Variants in ENTREP2 observed in about 807,000 individuals in gnomAD.
ENTREP2 encodes the protein endosomal transmembrane epsin interactor 2, also known as protein ENTREP2.
chr15:29,240,535 C>G, the ENTREP2 span, among the ~76,000 whole-genome samples: 1 of 152,118 alleles, frequency 6.6e-6, no homozygotes, highest in African/African-American at 2.4e-5. Context: ...CTTGCTCTTT[C>G]TTTGGCCCTC....
the ENTREP2 span, among the ~76,000 whole-genome samples, chr15:29,230,715 G>T: frequency 3.9e-5 from 6 of 152,128 alleles, no homozygotes; most frequent in Admixed American, 1.3e-4. Flanking sequence ...AAGGAGATTA[G>T]AGTGTTAAAA....
chr15:29,154,374 G>C, the ENTREP2 span, among the ~76,000 whole-genome samples: 1 of 151,922 alleles, frequency 6.6e-6, no homozygotes, highest in Non-Finnish European at 1.5e-5. Flanking sequence ...TGTGCTCTTA[G>C]AGGGTAAACT....
At chr15:29,527,651 C>T in the ENTREP2 span, among the ~76,000 whole-genome samples, 118 of 152,266 alleles carry the variant, frequency 7.7e-4, no homozygotes, top group South Asian at 4.3e-3. Flanking sequence ...AAGGCATCCA[C>T]TGCAGACCCT....
chr15:29,648,712 C>T, the ENTREP2 span, among the ~76,000 whole-genome samples: 1 of 151,958 alleles, frequency 6.6e-6, no homozygotes, highest in Non-Finnish European at 1.5e-5. Context: ...CTGAGGCAGG[C>T]AGATCACCTG....
At chr15:29,603,474 G>C in the ENTREP2 span, among the ~76,000 whole-genome samples, 1 of 152,090 alleles carries the variant, frequency 6.6e-6, no homozygotes, top group Non-Finnish European at 1.5e-5. Context: ...AAACAGAAAA[G>C]AACCTGCAAA....
chr15:29,592,535 C>T, the ENTREP2 span, among the ~76,000 whole-genome samples: 5 of 151,948 alleles, frequency 3.3e-5, no homozygotes, highest in South Asian at 2.1e-4. Context: ...AATCCATTTG[C>T]GGGGGGCGGA....
the ENTREP2 span, among the ~76,000 whole-genome samples, chr15:29,542,959 T>C: frequency 3.9e-5 from 6 of 152,244 alleles, no homozygotes; most frequent in Non-Finnish European, 7.3e-5. Flanking sequence ...CCCCATTTTA[T>C]TGATCCATTC....
chr15:29,493,914 T>C, the ENTREP2 span, among the ~76,000 whole-genome samples: 4 of 151,886 alleles, frequency 2.6e-5, 1 homozygote, highest in South Asian at 8.3e-4. Flanking sequence ...GAGGCAGAGG[T>C]TGCAGAGAGC....
At chr15:29,294,653 A>C in the ENTREP2 span, among the ~76,000 whole-genome samples, 1 of 152,226 alleles carries the variant, frequency 6.6e-6, no homozygotes, top group Non-Finnish European at 1.5e-5. Context: ...AAATCTTAGA[A>C]TCTTGGAAAT....
the ENTREP2 span, among the ~76,000 whole-genome samples, chr15:29,157,443 C>A: frequency 6.6e-6 from 1 of 152,202 alleles, no homozygotes; most frequent in South Asian, 2.1e-4. Context: ...TACACCTCAG[C>A]ATAGTTTTCC....
At chr15:29,607,741 C>G in the ENTREP2 span, among the ~76,000 whole-genome samples, 51 of 151,858 alleles carry the variant, frequency 3.4e-4, no homozygotes, top group Non-Finnish European at 5.7e-4. Flanking sequence ...ATCAAGTTTT[C>G]CTAAACTTTT....
chr15:29,636,036 A>T, the ENTREP2 span, among the ~76,000 whole-genome samples: 1 of 152,164 alleles, frequency 6.6e-6, no homozygotes, highest in Non-Finnish European at 1.5e-5. Context: ...AGAGATACAG[A>T]CACAGAAAAA....
the ENTREP2 span, among the ~76,000 whole-genome samples, chr15:29,518,439 A>C: frequency 6.6e-6 from 1 of 152,210 alleles, no homozygotes; most frequent in African/African-American, 2.4e-5. Context: ...ATTTCTAAAA[A>C]AACAAATAAA....
the ENTREP2 span, among the ~76,000 whole-genome samples, chr15:29,531,201 C>T: frequency 1.8e-4 from 27 of 152,186 alleles, no homozygotes; most frequent in African/African-American, 6.3e-4. Context: ...GTGACAGTCT[C>T]GCCTTGAGAA....
At chr15:29,626,142 C>T in the ENTREP2 span, among the ~76,000 whole-genome samples, 2 of 152,194 alleles carry the variant, frequency 1.3e-5, no homozygotes, top group Admixed American at 6.5e-5. Context: ...GTTGCTAGTA[C>T]ATAAAAATAC....
the ENTREP2 span, chr15:29,126,387 C>G: frequency 1.3e-6 from 2 of 1,545,628 alleles, no homozygotes. Flanking sequence ...GGGGGAAGGG[C>G]AGGTTCGGAG....
chr15:29,223,922 G>C, the ENTREP2 span, among the ~76,000 whole-genome samples: 7 of 152,270 alleles, frequency 4.6e-5, no homozygotes, highest in East Asian at 5.8e-4. Context: ...TCTGAAGCTT[G>C]CCCGCCCCCA....
the ENTREP2 span, among the ~76,000 whole-genome samples, chr15:29,327,823 G>A: frequency 6.6e-6 from 1 of 152,160 alleles, no homozygotes; most frequent in African/African-American, 2.4e-5. Context: ...TGAGGATGCA[G>A]ACCAACAGGA....
the ENTREP2 span, among the ~76,000 whole-genome samples, chr15:29,263,724 C>G: frequency 6.6e-6 from 1 of 152,262 alleles, no homozygotes; most frequent in African/African-American, 2.4e-5. Flanking sequence ...ACTTCATCAC[C>G]TAGAGGGCTG....
Sources: gnomAD v4.1 joint callset for allele counts (sites outside exome capture counted in the v4.1 genomes callset) on GRCh38, gnomAD v4.1.1 for gene constraint, MANE v1.5 for transcripts, NCBI Gene and HGNC (gene_info 2026-07-23, HGNC 2026-07-21) for gene names.